The following ANK2 variants were observed in gnomAD, a reference collection of about 807,000 sequenced individuals.
ANK2 encodes the protein ankyrin-2.
ANK2 carries 83 observed loss-of-function variants against 360.5 expected under a neutral mutation model. The observed-to-expected ratio is 0.23, with a 90% confidence interval of 0.19 to 0.28. The LOEUF (loss-of-function observed/expected upper bound fraction) is 0.28, where lower values mean the gene tolerates loss of function less well. ANK2 is among the 10% of genes least tolerant of loss of function. The pLI, the probability that ANK2 is intolerant of heterozygous loss-of-function variation, is 1.00. For missense variants in ANK2, 4,201 were observed against 4,795.7 expected (o/e 0.88, Z 3.66); for synonymous variants, 1,740 against 1,759.5 (o/e 0.99, Z 0.28).
chr4:112,878,602 A>G (rs1015863837), intron 1 of ANK2, among the ~76,000 whole-genome samples: 48 of 152,242 alleles, frequency 3.2e-4, no homozygotes, highest in African/African-American at 1.1e-3. Flanking sequence ...TTGGGATTAC[A>G]GGCGTGAGCC....
intron 1 of ANK2, among the ~76,000 whole-genome samples, chr4:113,072,881 A>G (rs1031677410): frequency 1.3e-5 from 2 of 151,074 alleles, no homozygotes; most frequent in Non-Finnish European, 2.9e-5. Flanking sequence ...TTTTCATCAC[A>G]AAATGTATGA....
intron 2 of ANK2, among the ~76,000 whole-genome samples, chr4:113,005,705 C>T (rs942592417): frequency 3.3e-5 from 5 of 152,036 alleles, no homozygotes; most frequent in Admixed American, 6.6e-5. Context: ...GAATGTATGC[C>T]GCCTCCAAAT....
At chr4:113,329,859 G>A (rs1029266286) in intron 26 of ANK2, among the ~76,000 whole-genome samples, 1 of 152,080 alleles carries the variant, frequency 6.6e-6, no homozygotes. Context: ...GATTTTTTAG[G>A]ATGTACACAT....
intron 1 of ANK2, among the ~76,000 whole-genome samples, chr4:112,847,755 G>T (rs773061772): frequency 1.1e-4 from 17 of 152,100 alleles, no homozygotes; most frequent in Non-Finnish European, 4.4e-5. Flanking sequence ...TTCTTGTATG[G>T]CATTGTCCTT....
At chr4:113,100,905 T>C (rs2092720819) in intron 1 of ANK2, among the ~76,000 whole-genome samples, 1 of 152,066 alleles carries the variant, frequency 6.6e-6, no homozygotes, top group Non-Finnish European at 1.5e-5. Flanking sequence ...TCAAACTATA[T>C]AACATTTTAG....
intron 2 of ANK2, among the ~76,000 whole-genome samples, chr4:113,033,268 A>G (rs2060809523): frequency 6.6e-6 from 1 of 152,020 alleles, no homozygotes; most frequent in South Asian, 2.1e-4. Context: ...ACTATAGTGT[A>G]ACCTTCTTAT....
chr4:112,807,105 A>G, the ANK2 span, among the ~76,000 whole-genome samples: 2 of 152,004 alleles, frequency 1.3e-5, no homozygotes, highest in Non-Finnish European at 2.9e-5. Context: ...TCTTTTAACT[A>G]CCTCTGCATC....
At chr4:113,214,503 A>C (rs1400610689) in intron 4 of ANK2, 1 of 609,024 alleles carries the variant, frequency 1.6e-6, no homozygotes, top group Non-Finnish European at 2.9e-6. Context: ...TAAAATATTT[A>C]TTACATTCAT....
chr4:113,079,992 G>A (rs1211574404), intron 1 of ANK2, among the ~76,000 whole-genome samples: 1 of 151,118 alleles, frequency 6.6e-6, no homozygotes, highest in Non-Finnish European at 1.5e-5. Context: ...TCTGCCTCCC[G>A]GGTTTAAGGG....
At chr4:112,964,997 T>G (rs2036617768) in intron 2 of ANK2, among the ~76,000 whole-genome samples, 1 of 152,208 alleles carries the variant, frequency 6.6e-6, no homozygotes, top group African/African-American at 2.4e-5. Context: ...CTGATTTCCT[T>G]TCTTTGGGGG....
chr4:112,905,642 G>C lies in ANK2; in HGVS notation c.21+1128G>C, dbSNP rs187126448. Reference sequence around the variant, plus strand: ...GTTGGTAATGAGATAACATTAATCAGCTTAGGCTATTTTCTTTTTGTTTTT... The same window carrying C: ...GTTGGTAATGAGATAACATTAATCACCTTAGGCTATTTTCTTTTTGTTTTT... On this transcript the variant is annotated intron_variant, in intron 2 of 30. Transcript: ENST00000503271. Among the ~76,000 whole-genome samples the C allele has an allele frequency of 3.7e-4, 56 of 152,192 alleles. 1 individual carries two copies. The highest frequency in any genetic ancestry group is 3.7e-3 in the Admixed American group (56 of 15,282).
chr4:112,984,658 G>A (rs7679866), intron 2 of ANK2, among the ~76,000 whole-genome samples: 42,092 of 152,026 alleles, frequency 0.28, 6,252 homozygotes, highest in East Asian at 0.44. Context: ...TTTTACTATG[G>A]CTCTGGCTTC....
At chr4:112,884,368 CTTGTAGCTA>C (rs963074833) in intron 1 of ANK2, among the ~76,000 whole-genome samples, 1 of 152,124 alleles carries the variant, frequency 6.6e-6, no homozygotes, top group African/African-American at 2.4e-5. Context: ...CAACTGTGCT[CTTGTAGCTA>C]AAGCACCCAT....
At chr4:112,753,488 C>T in the ANK2 span, among the ~76,000 whole-genome samples, 73 of 152,260 alleles carry the variant, frequency 4.8e-4, no homozygotes, top group East Asian at 2.1e-3. Context: ...CTTGAACAGG[C>T]GCTGCATAAA....
intron 4 of ANK2, among the ~76,000 whole-genome samples, chr4:113,225,363 C>T (rs530689478): frequency 6.6e-6 from 1 of 151,888 alleles, no homozygotes; most frequent in Admixed American, 6.6e-5. Context: ...AGAGCAGGAC[C>T]CCCCAGTGCC....
chr4:112,847,701 A>G (rs1232684245), intron 1 of ANK2, among the ~76,000 whole-genome samples: 2 of 152,120 alleles, frequency 1.3e-5, no homozygotes, highest in Admixed American at 1.3e-4. Flanking sequence ...AATAAAGCCT[A>G]TATAAACCCC....
At chr4:112,713,706 C>T in the ANK2 span, among the ~76,000 whole-genome samples, 5 of 151,970 alleles carry the variant, frequency 3.3e-5, no homozygotes, top group South Asian at 6.2e-4. Flanking sequence ...CCGAGGCGGG[C>T]GGATCACGAG....
At position 113,258,151 on chromosome 4, in the gene ANK2, AG is replaced by A; in HGVS notation, c.1287+4del. The A allele has an allele frequency of 6.2e-7, 1 of 1,610,748 alleles. No homozygotes were observed. The highest frequency in any genetic ancestry group is 1.7e-5 in the Admixed American group (1 of 60,022). On this transcript the variant is annotated splice_donor_region_variant and intron_variant, in intron 12 of 45. Coordinates refer to ENST00000357077, the MANE Select transcript of ANK2 (RefSeq NM_001148.6). Reference sequence around the variant, plus strand: ...CTTCAATCCAAGCTATAACAGAGGTAGAAAAATGTTTTAGCTAGTCACAAAG... The same window carrying A: ...CTTCAATCCAAGCTATAACAGAGGTAAAAAATGTTTTAGCTAGTCACAAAG...
the ANK2 span, among the ~76,000 whole-genome samples, chr4:112,743,474 T>C: frequency 2.0e-5 from 3 of 151,414 alleles, no homozygotes; most frequent in Non-Finnish European, 4.4e-5. Context: ...GTAATCTCGG[T>C]CTTTCTCTCT....
Sources: gnomAD v4.1 joint callset for allele counts (sites outside exome capture counted in the v4.1 genomes callset) on GRCh38, gnomAD v4.1.1 for gene constraint, MANE v1.5 for transcripts, NCBI Gene and HGNC (gene_info 2026-07-23, HGNC 2026-07-21) for gene names.